Variants in METTL16 observed in about 807,000 individuals in gnomAD.
METTL16 encodes methyltransferase 16, RNA N6-adenosine.
A neutral mutation model predicts 57.9 loss-of-function variants in METTL16; 19 were observed. The ratio of observed to expected loss-of-function variants is 0.33; its 90% CI spans 0.23 to 0.48. The LOEUF is 0.48. Ranked by LOEUF, METTL16 falls within the 20% of genes least tolerant of loss-of-function variation. The pLI, the probability that METTL16 is intolerant of heterozygous loss-of-function variation, is 0.99. For missense variants in METTL16, 434 were observed against 691.5 expected, an observed-to-expected ratio of 0.63 and a Z score of 4.18; for synonymous variants, 246 against 255.6, an observed-to-expected ratio of 0.96 and a Z score of 0.36.
intron 8 of METTL16, among the ~76,000 whole-genome samples, chr17:2,431,266 T>C (rs2066872289): frequency 6.6e-6 from 1 of 152,204 alleles, no homozygotes; most frequent in South Asian, 2.1e-4. Flanking sequence ...AAATCATGTG[T>C]ATGGGATTCA....
Position 2,419,838 on chromosome 17 carries a change from C to G in METTL16, c.*132G>C, listed in dbSNP as rs1303166666. The G allele has an allele frequency of 1.8e-6, 2 of 1,124,056 alleles. No individual in the cohort carries two copies. The highest frequency in any genetic ancestry group is 3.1e-5 in the African/African-American group (2 of 64,608). The allele number at this position is 1,124,056 out of a possible 1,614,324, so 69.6% of individuals were successfully genotyped here. A position where few individuals can be genotyped will look rare whatever the true frequency, so the allele number is the denominator to read the frequency against. Reference sequence around the variant, plus strand: ...GGCGGGGGGAGGTGGGGGACAGATTCATAGGTTTTTGTTTTCGAAGATAAT... The same window carrying G: ...GGCGGGGGGAGGTGGGGGACAGATTGATAGGTTTTTGTTTTCGAAGATAAT... On this transcript the variant is annotated 3_prime_UTR_variant, in exon 10 of 10. Coordinates refer to ENST00000263092, the MANE Select transcript of METTL16 (RefSeq NM_024086.4).
chr17:2,428,270 G>GA (rs1329646317), intron 8 of METTL16, among the ~76,000 whole-genome samples: 1 of 151,084 alleles, frequency 6.6e-6, no homozygotes, highest in Non-Finnish European at 1.5e-5. Flanking sequence ...TCTGAGAGAG[G>GA]AAAAAATATG....
chr17:2,429,198 C>CTTTTTT (rs55994674), intron 8 of METTL16, among the ~76,000 whole-genome samples: 1 of 120,366 alleles, frequency 8.3e-6, no homozygotes. Context: ...AAGAATGAAA[C>CTTTTTT]TTTTTTTTTT....
chr17:2,471,346 T>A (rs1308397729), intron 4 of METTL16, among the ~76,000 whole-genome samples: 1 of 152,158 alleles, frequency 6.6e-6, no homozygotes, highest in Non-Finnish European at 1.5e-5. Flanking sequence ...AATTTTTGTA[T>A]TTTTAGTAGA....
At chr17:2,507,475 G>A (rs1344265683) in intron 1 of METTL16, among the ~76,000 whole-genome samples, 6 of 147,818 alleles carry the variant, frequency 4.1e-5, no homozygotes, top group Non-Finnish European at 9.0e-5. Flanking sequence ...CCCTCTGCCC[G>A]GACAGCCGCC....
chr17:2,439,393 T>A (rs527580553), intron 7 of METTL16, among the ~76,000 whole-genome samples: 8 of 152,304 alleles, frequency 5.3e-5, no homozygotes, highest in Admixed American at 2.6e-4. Context: ...ATTACAGACA[T>A]GAGCCACTTT....
intron 3 of METTL16, 21 bp from the exon 4 acceptor site, chr17:2,473,685 A>G: frequency 6.2e-7 from 1 of 1,606,976 alleles, no homozygotes; most frequent in South Asian, 1.1e-5. Context: ...AAAAATACAA[A>G]ACACATTCTA....
rs1031133104 is a variant in METTL16, at chr17:2,467,535, C to G, written c.585+226G>C. Among the ~76,000 whole-genome samples, 7 of 152,146 alleles carry G rather than the reference C, an allele frequency of 4.6e-5. No individual in the cohort carries two copies. In the East Asian group the frequency reaches 1.2e-3, roughly 25 times the overall value. Reference sequence around the variant, plus strand: ...CTGCCTCCCGGGTTCTAGCGATTCTCCTGCCTCAACCTCCCAAGTAGCTGG... The same window carrying G: ...CTGCCTCCCGGGTTCTAGCGATTCTGCTGCCTCAACCTCCCAAGTAGCTGG... On this transcript the variant is annotated intron_variant, in intron 5 of 9. Transcript: ENST00000263092.
At chr17:2,448,581 T>G (rs866207305) in intron 6 of METTL16, among the ~76,000 whole-genome samples, 3 of 72,080 alleles carry the variant, frequency 4.2e-5, no homozygotes, top group Non-Finnish European at 7.4e-5. Flanking sequence ...TCCCTAATCT[T>G]AAGTACCCAG....
At chr17:2,430,504 C>T (rs2066865690) in intron 8 of METTL16, among the ~76,000 whole-genome samples, 1 of 150,222 alleles carries the variant, frequency 6.7e-6, no homozygotes, top group African/African-American at 2.5e-5. Flanking sequence ...CAAGCTCCGC[C>T]TCCCGGGTTC....
intron 2 of METTL16, among the ~76,000 whole-genome samples, chr17:2,492,313 A>G (rs1050292512): frequency 2.6e-5 from 4 of 152,200 alleles, no homozygotes; most frequent in Non-Finnish European, 4.4e-5. Context: ...TCCCTATGGA[A>G]CTGATTATTG....
At chr17:2,428,602 T>TATGTTAAA (rs376112549) in intron 8 of METTL16, among the ~76,000 whole-genome samples, 2 of 94,994 alleles carry the variant, frequency 2.1e-5, no homozygotes, top group Non-Finnish European at 3.8e-5. Flanking sequence ...TATATATATA[T>TATGTTAAA]AAATTGTAAT....
chr17:2,496,462 T>C (rs566422073), intron 2 of METTL16, among the ~76,000 whole-genome samples: 6 of 151,436 alleles, frequency 4.0e-5, no homozygotes, highest in Non-Finnish European at 8.8e-5. Flanking sequence ...CTATACCCTG[T>C]CAAACATGTT....
chr17:2,432,287 G>T (rs1021207180), intron 8 of METTL16, among the ~76,000 whole-genome samples: 5 of 152,154 alleles, frequency 3.3e-5, no homozygotes, highest in Non-Finnish European at 5.9e-5. Flanking sequence ...TGCATTTTAG[G>T]CTGGGTGCAA....
chr17:2,482,264 A>G (rs545393453), intron 2 of METTL16, among the ~76,000 whole-genome samples: 4 of 152,300 alleles, frequency 2.6e-5, no homozygotes, highest in Admixed American at 2.6e-4. Context: ...TTTTTTTCTC[A>G]TCACTTATAA....
chr17:2,464,168 T>G, intron 6 of METTL16, 40 bp downstream of exon 6: 1 of 1,586,330 alleles, frequency 6.3e-7, no homozygotes, highest in South Asian at 1.1e-5. Flanking sequence ...AATATTCCTG[T>G]GTTGTAAAGA....
Position 2,420,242 on chromosome 17 carries a change from C to T in METTL16, c.1417G>A (p.Gly473Arg). The T allele has an allele frequency of 1.2e-6, 2 of 1,614,216 alleles. No individual in the cohort carries two copies. The highest frequency in any genetic ancestry group is 2.2e-5 in the South Asian group (2 of 91,086). ...TEDERSEEKG[G>R]VEVLESCQGS... Reference sequence around the variant, plus strand: ...TGACAACTTTCCAAAACCTCCACCCCTCCCTTTTCCTCACTCCTTTCATCC... The same window carrying T: ...TGACAACTTTCCAAAACCTCCACCCTTCCCTTTTCCTCACTCCTTTCATCC... Residue 473 changes from glycine (G) to arginine (R), a missense_variant, in exon 10 of 10, where the codon GGG becomes AGG. Physicochemically the swap from Gly to Arg is moderately radical, Grantham distance 125 (BLOSUM62 -2). Around this residue, in one of 5 missense-constraint regions of METTL16, gnomAD observed 168 missense variants for 149.6 expected, o/e 1.12. Transcript: ENST00000263092. This position sits in a 1 kb window ranked among gnomAD's most constrained non-coding sequence, Gnocchi z 5.4.
intron 2 of METTL16, among the ~76,000 whole-genome samples, chr17:2,485,130 C>T (rs996787585): frequency 6.6e-6 from 1 of 152,120 alleles, no homozygotes; most frequent in African/African-American, 2.4e-5. Context: ...GCCTCAGCTC[C>T]GCCTCCTGTC....
chr17:2,479,939 C>T (rs1477027214), intron 2 of METTL16, among the ~76,000 whole-genome samples: 1 of 152,034 alleles, frequency 6.6e-6, no homozygotes, highest in African/African-American at 2.4e-5. Flanking sequence ...GTAATCCTAC[C>T]ACTTTGGGAG....
Sources: allele counts gnomAD v4.1 joint callset (sites outside exome capture counted in the v4.1 genomes callset), GRCh38; gene constraint gnomAD v4.1.1; regional missense constraint gnomAD v4.1.1; non-coding constraint Gnocchi (gnomAD v3.1); transcripts MANE v1.5; gene names NCBI Gene and HGNC (gene_info 2026-07-23, HGNC 2026-07-21).